The following CLTCL1 variants were observed in gnomAD, a reference collection of about 807,000 sequenced individuals.
CLTCL1 encodes the protein clathrin heavy chain like 1.
Under a neutral mutation model 190.0 loss-of-function variants are expected in CLTCL1, and 159 were observed. The ratio of observed to expected loss-of-function variants is 0.84; its 90% CI spans 0.74 to 0.95. The LOEUF is 0.95. CLTCL1 is among the 40% of genes least tolerant of loss of function. The probability of loss-of-function intolerance (pLI) is 0.00; values close to 1 mark genes in which losing one functional copy is unlikely to be tolerated. For missense variants in CLTCL1, 1,878 were observed against 2,033.4 expected (o/e 0.92, Z 1.47); for synonymous variants, 752 against 769.6 (o/e 0.98, Z 0.38).
intron 15 of CLTCL1, 150 bp downstream of exon 15, chr22:19,222,534 T>C: frequency 1.1e-6 from 1 of 881,104 alleles, no homozygotes; most frequent in African/African-American, 1.7e-5. Flanking sequence ...ACTGTGGTCT[T>C]CTACTCTGGC....
chr22:19,276,325 C>A (rs1443246283), intron 1 of CLTCL1, among the ~76,000 whole-genome samples: 2 of 152,184 alleles, frequency 1.3e-5, no homozygotes, highest in African/African-American at 4.8e-5. Flanking sequence ...CCCTAGATAT[C>A]ATCAAACCTG....
rs2085616564 is a variant in CLTCL1 at position 19,222,776 on chromosome 22, T to C, written c.2326A>G (p.Ile776Val). 4 of 1,600,696 alleles carry C rather than the reference T, an allele frequency of 2.5e-6. No individual in the cohort carries two copies. Among genetic ancestry groups the C allele is most frequent in the South Asian group, 1.1e-5 (1 of 88,288 alleles). ...AKLTDQLPLIIVCDRFGFVHD... is the reference protein window; with the variant it reads ...AKLTDQLPLIVVCDRFGFVHD... Reference sequence around the variant, plus strand: ...ACAAAGCCAAAACGATCACACACGATGATGAGGGGAAGCTGGTCTGTGAGC... The same window carrying C: ...ACAAAGCCAAAACGATCACACACGACGATGAGGGGAAGCTGGTCTGTGAGC... Residue 776 changes from isoleucine to valine, a missense_variant, in exon 15 of 33, where the codon ATC (isoleucine) becomes GTC (valine). Physicochemically the swap from Ile to Val is conservative, Grantham distance 29. Coordinates refer to ENST00000427926, the MANE Select transcript of CLTCL1 (RefSeq NM_007098.4).
intron 11 of CLTCL1, among the ~76,000 whole-genome samples, chr22:19,227,277 C>CTTTTTTT (rs11375007): frequency 8.3e-6 from 1 of 121,094 alleles, no homozygotes; most frequent in African/African-American, 3.1e-5. Context: ...GGCATAAAAT[C>CTTTTTTT]TTTTTTTTTT....
At chr22:19,237,335 A>G (rs914418966) in intron 5 of CLTCL1, among the ~76,000 whole-genome samples, 2 of 151,974 alleles carry the variant, frequency 1.3e-5, no homozygotes, top group Non-Finnish European at 2.9e-5. Flanking sequence ...ATCCCAATAG[A>G]AAAAAAATGC....
At chr22:19,211,568 A>G (rs1332259828) in intron 19 of CLTCL1, among the ~76,000 whole-genome samples, 1 of 152,072 alleles carries the variant, frequency 6.6e-6, no homozygotes, top group South Asian at 2.1e-4. Context: ...GGATATCAAG[A>G]CCATCCTGGC....
At chr22:19,180,354 G>A in intron 31 of CLTCL1, 116 bp from the exon 32 acceptor site, 7 of 1,141,320 alleles carry the variant, frequency 6.1e-6, no homozygotes, top group Non-Finnish European at 7.8e-6. Flanking sequence ...GCCCCACAGT[G>A]TCCAAGCACC....
At chr22:19,283,280 T>C (rs1374790181) in intron 1 of CLTCL1, among the ~76,000 whole-genome samples, 1 of 152,018 alleles carries the variant, frequency 6.6e-6, no homozygotes, top group African/African-American at 2.4e-5. Context: ...AAAATTTTCT[T>C]TCTTTTTTTC....
At chr22:19,183,748 G>A (rs2084219606) in intron 29 of CLTCL1, 137 bp from the exon 30 acceptor site, 4 of 821,564 alleles carry the variant, frequency 4.9e-6, no homozygotes, top group African/African-American at 1.7e-5. Context: ...CTGGACCCAT[G>A]GCTGGGCCAT....
At chr22:19,281,426 T>C (rs1555986664) in intron 1 of CLTCL1, among the ~76,000 whole-genome samples, 1 of 152,174 alleles carries the variant, frequency 6.6e-6, no homozygotes, top group African/African-American at 2.4e-5. Flanking sequence ...ATGTTATGTA[T>C]ATTTTACCAC....
At chr22:19,271,451 A>C (rs1285529715) in intron 2 of CLTCL1, among the ~76,000 whole-genome samples, 1 of 152,116 alleles carries the variant, frequency 6.6e-6, no homozygotes. Context: ...GAGCAGTTAA[A>C]AAAAAGTGTG....
chr22:19,281,126 T>TAA (rs71184796), intron 1 of CLTCL1, among the ~76,000 whole-genome samples: 1 of 149,194 alleles, frequency 6.7e-6, no homozygotes, highest in Admixed American at 6.7e-5. Flanking sequence ...CTGTCTCTAC[T>TAA]AAAAAAAAAT....
chr22:19,258,485 C>T (rs954481460), intron 2 of CLTCL1: 10 of 480,640 alleles, frequency 2.1e-5, no homozygotes, highest in Middle Eastern at 6.3e-4. Flanking sequence ...TGGAGAACAG[C>T]CTAAGGGAGG....
Position 19,254,026 on chromosome 22 carries a change from C to T in CLTCL1, c.452G>A (p.Cys151Tyr). 1.2e-6 allele frequency: 2 copies of T among 1,612,630 alleles called. No individual in the cohort carries two copies. The highest frequency in any genetic ancestry group is 1.7e-6 in the Non-Finnish European group (2 of 1,179,288). ...MFDRHTSLVG[C>Y]QVIHYRTDEY... ...ATCAGTCCGGTAGTGAATCACCTGG[C>T]AGCCCACCAGACTGGTATGTCTATC... Residue 151 changes from cysteine (C) to tyrosine (Y), a missense_variant, in exon 3 of 33, where the codon TGC (cysteine) becomes TAC (tyrosine). Transcript: ENST00000427926.
intron 1 of CLTCL1, among the ~76,000 whole-genome samples, chr22:19,282,040 GA>G (rs1324231365): frequency 1.3e-5 from 2 of 152,106 alleles, no homozygotes; most frequent in Non-Finnish European, 2.9e-5. Flanking sequence ...TCAGAAATGG[GA>G]AAGGGGCGGC....
chr22:19,236,011 G>T, intron 5 of CLTCL1, 142 bp from the exon 6 acceptor site: 1 of 725,548 alleles, frequency 1.4e-6, no homozygotes, highest in Non-Finnish European at 2.2e-6. Context: ...CCAGGCTGGA[G>T]TGTAGTGGTG....
chr22:19,224,772 A>G (rs551500179), intron 13 of CLTCL1, among the ~76,000 whole-genome samples: 1 of 152,256 alleles, frequency 6.6e-6, no homozygotes, highest in South Asian at 2.1e-4. Context: ...GGTGTCTTCT[A>G]AAGAGAAGGC....
intron 13 of CLTCL1, among the ~76,000 whole-genome samples, chr22:19,224,948 G>C (rs1409183682): frequency 6.6e-6 from 1 of 152,144 alleles, no homozygotes; most frequent in Non-Finnish European, 1.5e-5. Context: ...AACTGCCCTA[G>C]AACACTTTTT....
intron 1 of CLTCL1, among the ~76,000 whole-genome samples, chr22:19,280,679 C>A (rs2087675497): frequency 6.6e-6 from 1 of 151,588 alleles, no homozygotes; most frequent in Non-Finnish European, 1.5e-5. Context: ...ATTAGCCAGG[C>A]ATAGTGGCGG....
chr22:19,227,710 C>G (rs2085795314), intron 11 of CLTCL1, among the ~76,000 whole-genome samples: 1 of 152,262 alleles, frequency 6.6e-6, no homozygotes, highest in Non-Finnish European at 1.5e-5. Context: ...GCCTTGGCCT[C>G]CCAAAGTGCT....
Sources: allele counts gnomAD v4.1 joint callset (sites outside exome capture counted in the v4.1 genomes callset), GRCh38; gene constraint gnomAD v4.1.1; transcripts MANE v1.5; gene names NCBI Gene and HGNC (gene_info 2026-07-23, HGNC 2026-07-21).